Variants in LEPR observed in about 807,000 individuals in gnomAD.
The protein encoded by LEPR is leptin receptor.
In LEPR, 56 loss-of-function variants were observed where a neutral mutation model predicts 114.7. That is an observed-to-expected ratio of 0.49 (90% CI 0.39 to 0.61). The LOEUF (loss-of-function observed/expected upper bound fraction) is 0.61. LEPR is among the 20% of genes least tolerant of loss of function. The pLI, the probability that LEPR is intolerant of heterozygous loss-of-function variation, is 0.00. For synonymous variants in LEPR, 443 were observed against 461.4 expected, an observed-to-expected ratio of 0.96 and a Z score of 0.51; for missense variants, 1,202 against 1,352.9, an observed-to-expected ratio of 0.89 and a Z score of 1.75.
At chr1:65,536,962 AG>A (rs1285919196) in intron 2 of LEPR, among the ~76,000 whole-genome samples, 1 of 152,184 alleles carries the variant, frequency 6.6e-6, no homozygotes, top group East Asian at 1.9e-4. Context: ...AAATATTGAT[AG>A]GTTAAAATTG....
At chr1:65,481,708 T>G (rs1272682723) in intron 2 of LEPR, among the ~76,000 whole-genome samples, 5 of 151,816 alleles carry the variant, frequency 3.3e-5, no homozygotes, top group Admixed American at 6.6e-5. Context: ...GTATAGGAAT[T>G]AATACATCAT....
chr1:65,457,086 A>T (rs901174168), intron 2 of LEPR, among the ~76,000 whole-genome samples: 1 of 152,194 alleles, frequency 6.6e-6, no homozygotes, highest in Non-Finnish European at 1.5e-5. Flanking sequence ...TAGTGTTTTT[A>T]GTAACAAAGT....
At chr1:65,430,163 T>C (rs1646458759) in intron 2 of LEPR, 7 of 924,974 alleles carry the variant, frequency 7.6e-6, no homozygotes, top group Non-Finnish European at 9.0e-6. Flanking sequence ...AGGCCGTGTG[T>C]TTTTAGTTTC....
intron 5 of LEPR, among the ~76,000 whole-genome samples, chr1:65,573,024 C>G (rs1654315968): frequency 6.6e-6 from 1 of 152,172 alleles, no homozygotes; most frequent in African/African-American, 2.4e-5. Context: ...TGAGCCATGC[C>G]CTGGCTCCCC....
At chr1:65,537,314 A>G (rs79549563) in intron 2 of LEPR, among the ~76,000 whole-genome samples, 7,928 of 152,266 alleles carry the variant, frequency 0.052, 294 homozygotes, top group Middle Eastern at 0.088. Flanking sequence ...GTTAAAAAAA[A>G]CTTACTTATG....
At chr1:65,558,526 G>T (rs1463178762) in intron 2 of LEPR, among the ~76,000 whole-genome samples, 66 of 7,708 alleles carry the variant, frequency 8.6e-3, no homozygotes, top group Non-Finnish European at 8.7e-3. Context: ...TGAATCAGAA[G>T]TTTTTTTTTT....
At chr1:65,572,621 T>C (rs1482192412) in intron 5 of LEPR, among the ~76,000 whole-genome samples, 172 bp downstream of exon 5, 2 of 152,152 alleles carry the variant, frequency 1.3e-5, no homozygotes, top group African/African-American at 4.8e-5. Context: ...CTCCTGCTAA[T>C]TGAGGTAGCA....
chr1:65,567,501 T>G (rs1032470068), intron 3 of LEPR, among the ~76,000 whole-genome samples: 12 of 152,212 alleles, frequency 7.9e-5, no homozygotes, highest in Non-Finnish European at 1.5e-4. Context: ...TTACTTTTGG[T>G]AATGTTGTGA....
chr1:65,577,104 T>A (rs1418424935), intron 5 of LEPR: 1 of 183,888 alleles, frequency 5.4e-6, no homozygotes, highest in Non-Finnish European at 1.1e-5. Flanking sequence ...GGCTAGCGTG[T>A]TGGCACTAAT....
intron 2 of LEPR, chr1:65,433,232 C>A: frequency 1.0e-6 from 1 of 985,346 alleles, no homozygotes; most frequent in Non-Finnish European, 1.2e-6. Context: ...GGCTTCTTCC[C>A]GAAGAGATAT....
chr1:65,583,543 G>A (rs1458655216), intron 5 of LEPR, among the ~76,000 whole-genome samples: 1 of 152,164 alleles, frequency 6.6e-6, no homozygotes, highest in African/African-American at 2.4e-5. Context: ...TAGAGTCAAG[G>A]CTACACTATA....
At position 65,622,886 on chromosome 1, in the gene LEPR, G is replaced by A. The variant is rs185793468; in HGVS notation, c.2598-20G>A. ...ATGGATGTTTTTCTCTAATTTTGAT[G>A]CCCTGTTTATCCTTTGTAGAATGAA... On this transcript the variant is annotated intron_variant, in intron 18 of 19. Transcript: ENST00000349533. 42 of 1,612,780 alleles carry A rather than the reference G, an allele frequency of 2.6e-5. No homozygotes were observed. In the African/African-American group the frequency reaches 4.8e-4, roughly 18 times the overall value.
chr1:65,518,921 CTT>C (rs931542711), intron 2 of LEPR, among the ~76,000 whole-genome samples: 5 of 97,212 alleles, frequency 5.1e-5, no homozygotes, highest in African/African-American at 2.1e-4. Flanking sequence ...TTCTTTCTCT[CTT>C]TCTCTGTTTC....
At chr1:65,537,385 A>C (rs1020216209) in intron 2 of LEPR, among the ~76,000 whole-genome samples, 1 of 152,148 alleles carries the variant, frequency 6.6e-6, no homozygotes, top group African/African-American at 2.4e-5. Flanking sequence ...GACCCTAGGA[A>C]CAACTAGTTT....
At chr1:65,475,522 T>C (rs1329042740) in intron 2 of LEPR, among the ~76,000 whole-genome samples, 2 of 152,354 alleles carry the variant, frequency 1.3e-5, no homozygotes, top group Non-Finnish European at 2.9e-5. Flanking sequence ...TGGAGCTGCA[T>C]GGTCCCTGAC....
chr1:65,467,594 T>C (rs948569193), intron 2 of LEPR, among the ~76,000 whole-genome samples: 1 of 152,232 alleles, frequency 6.6e-6, no homozygotes, highest in African/African-American at 2.4e-5. Flanking sequence ...CGTTTAAGTC[T>C]GCAGAAGCCG....
intron 2 of LEPR, among the ~76,000 whole-genome samples, chr1:65,450,882 C>T (rs1333414740): frequency 7.9e-5 from 12 of 151,730 alleles, no homozygotes; most frequent in Non-Finnish European, 1.6e-4. Context: ...AACTAGTTTA[C>T]AGTCCCACCA....
At chr1:65,632,216 A>G (rs1658551061) in intron 19 of LEPR, among the ~76,000 whole-genome samples, 1 of 152,162 alleles carries the variant, frequency 6.6e-6, no homozygotes, top group South Asian at 2.1e-4. Context: ...TAAAGTTGCT[A>G]GATGGCCTTC....
At chr1:65,604,448 G>A (rs1359917804) in intron 10 of LEPR, among the ~76,000 whole-genome samples, 2 of 152,018 alleles carry the variant, frequency 1.3e-5, no homozygotes, top group Non-Finnish European at 2.9e-5. Context: ...CAGTTCAAGC[G>A]ATTCTCCTGC....
Sources: allele counts gnomAD v4.1 joint callset (sites outside exome capture counted in the v4.1 genomes callset), GRCh38; gene constraint gnomAD v4.1.1; transcripts MANE v1.5; gene names NCBI Gene and HGNC (gene_info 2026-07-23, HGNC 2026-07-21).